Variants in LPIN3 observed in about 807,000 individuals in gnomAD.
LPIN3 encodes the protein lipin 3.
A neutral mutation model predicts 94.7 loss-of-function variants in LPIN3; 82 were observed. The observed-to-expected ratio is 0.87, with a 90% CI of 0.72 to 1.04. The LOEUF (loss-of-function observed/expected upper bound fraction) is 1.04. LPIN3 is among the 50% of genes least tolerant of loss of function. The pLI, the probability that LPIN3 is intolerant of heterozygous loss-of-function variation, is 0.00. For synonymous variants in LPIN3, 418 were observed against 443.3 expected (o/e 0.94, Z 0.72); for missense variants, 996 against 1,090.5 (o/e 0.91, Z 1.22).
Position 41,348,889 on chromosome 20 carries a change from T to A in LPIN3, c.557+2T>A. 2 of 1,601,320 alleles carry A rather than the reference T, an allele frequency of 1.2e-6. No individual in the cohort carries two copies. The highest frequency in any genetic ancestry group is 1.7e-6 in the Non-Finnish European group (2 of 1,173,540). On this transcript the variant is annotated splice_donor_variant, in intron 4 of 19. Transcript: ENST00000373257. LOFTEE classifies it high-confidence loss of function. ...AAAGCTGAGGCCAGAGCCCCCAGGG[T>A]GTGTAAGGACCAAGGGACTTGAACC...
intron 11 of LPIN3, among the ~76,000 whole-genome samples, chr20:41,354,051 A>G (rs1049408079): frequency 6.6e-6 from 1 of 152,196 alleles, no homozygotes; most frequent in Non-Finnish European, 1.5e-5. Context: ...GGTCTGTAGG[A>G]TGCTGGTGTG....
chr20:41,358,735 G>GGTGAA lies in LPIN3; in HGVS notation c.2429_2433dup (p.Val812LysfsTer59), dbSNP rs749068644. On this transcript the variant is annotated frameshift_variant, in exon 20 of 20. Coordinates refer to ENST00000373257, the MANE Select transcript of LPIN3 (RefSeq NM_022896.3). LOFTEE classifies it low-confidence loss of function (END_TRUNC). ...TTCTGCCTGTAGGTATGAGCGGCTT[G>GGTGAA]GTGAAGTGGTCGAGCTCCTCTTCCC... 3.7e-6 allele frequency: 6 copies of GGTGAA among 1,613,950 alleles called. No individual in the cohort carries two copies. Among genetic ancestry groups the GGTGAA allele is most frequent in the Non-Finnish European group, 5.1e-6 (6 of 1,180,002 alleles).
intron 15 of LPIN3, 58 bp from the exon 16 acceptor site, chr20:41,357,303 G>A: frequency 6.2e-7 from 1 of 1,602,752 alleles, no homozygotes; most frequent in Non-Finnish European, 8.5e-7. Flanking sequence ...GGCCATCCTG[G>A]GGCTGGAGCT....
intron 16 of LPIN3, 110 bp from the exon 17 acceptor site, chr20:41,357,772 G>A: frequency 7.0e-7 from 1 of 1,426,280 alleles, no homozygotes. Context: ...TCCCTGCAAA[G>A]GTTGGAACAT....
In LPIN3 at chr20:41,358,304, C is replaced by G. The variant is rs776388793; in HGVS notation, c.2260C>G (p.Leu754Val). 6.2e-6 allele frequency: 10 copies of G among 1,614,066 alleles called. No individual in the cohort carries two copies. The highest frequency in any genetic ancestry group is 8.5e-6 in the Non-Finnish European group (10 of 1,180,048). ...CCTGAGTGACATCCAGCAGCTGTTT[C>G]TGCCCCACGGACAGCCCTTCTATGC... ...ACLSDIQQLF[L>V]PHGQPFYAAF... Residue 754 changes from leucine (L) to valine (V), a missense_variant, in exon 18 of 20, where the codon CTG (leucine) becomes GTG (valine). Leu to Val is a conservative substitution (Grantham distance 32). Coordinates refer to ENST00000373257, the MANE Select transcript of LPIN3 (RefSeq NM_022896.3).
intron 4 of LPIN3, 37 bp from the exon 5 acceptor site, chr20:41,349,055 C>T (rs2045900044): frequency 8.7e-6 from 14 of 1,611,872 alleles, no homozygotes; most frequent in Non-Finnish European, 1.2e-5. Context: ...GGGCATCCTG[C>T]CTGATCAGTG....
intron 4 of LPIN3, 45 bp downstream of exon 4, chr20:41,348,932 G>T: frequency 1.9e-6 from 3 of 1,591,934 alleles, no homozygotes; most frequent in Non-Finnish European, 1.7e-6. Context: ...GGGGGTTCAA[G>T]TGCTGTTTCC....
In LPIN3 at chr20:41,345,695, A is replaced by G. The variant is rs557340440; in HGVS notation, c.-8-101A>G. ...CTGTGCAAAGGCACTCCAAGGCGTG[A>G]CACAAATGTAAACTTGGGGGTCTGT... On this transcript the variant is annotated intron_variant, in intron 1 of 19. Transcript: ENST00000373257. The G allele has an allele frequency of 3.2e-4, 403 of 1,272,114 alleles. 1 individual carries two copies. Among genetic ancestry groups the G allele is most frequent in the Non-Finnish European group, 3.8e-4 (346 of 917,240 alleles). 78.8% of individuals were successfully genotyped at this position (1,272,114 alleles called of 1,614,324 possible).
At position 41,357,897 on chromosome 20, in the gene LPIN3, C is replaced by A; in HGVS notation, c.2055C>A (p.Phe685Leu). 9 of 1,614,128 alleles carry A rather than the reference C, an allele frequency of 5.6e-6. No individual in the cohort carries two copies. The highest frequency in any genetic ancestry group is 7.6e-6 in the Non-Finnish European group (9 of 1,180,014). The stretch of plus-strand genomic sequence containing the variant: ...CCACTCTCAGAAATGGGTACAAGTT[C>A]CTGTACTGCTCGGCGCGGGCCATTG... ...YHKIQLNGYK[F>L]LYCSARAIGM... Residue 685 changes from phenylalanine to leucine, a missense_variant, in exon 17 of 20, where the codon TTC becomes TTA. Physicochemically the swap from Phe to Leu is conservative, Grantham distance 22. Transcript: ENST00000373257.
chr20:41,359,099 T>C lies in LPIN3; in HGVS notation c.*233T>C, dbSNP rs1213868468. On this transcript the variant is annotated 3_prime_UTR_variant, in exon 20 of 20. Transcript: ENST00000373257. ...TGGCACTGTCCTGGGGCAATTAGCT[T>C]GTCATCTGGGCCCTTGCAGGGTTCT... 2.5e-6 allele frequency: 1 copy of C among 405,304 alleles called. No homozygotes were observed. Among genetic ancestry groups the C allele is most frequent in the Non-Finnish European group, 4.3e-6 (1 of 231,348 alleles). 25.1% of individuals were successfully genotyped at this position (405,304 alleles called of 1,614,324 possible).
chr20:41,357,801 C>T, intron 16 of LPIN3, 81 bp from the exon 17 acceptor site: 1 of 1,567,370 alleles, frequency 6.4e-7, no homozygotes, highest in South Asian at 1.2e-5. Context: ...CACAGTTGGG[C>T]TGGGCAGGCT....
chr20:41,344,876 G>A (rs780181365), intron 1 of LPIN3, among the ~76,000 whole-genome samples: 2 of 152,190 alleles, frequency 1.3e-5, no homozygotes, highest in African/African-American at 4.8e-5. Flanking sequence ...CCTGGACACC[G>A]CTGGGGTCAG....
intron 1 of LPIN3, among the ~76,000 whole-genome samples, chr20:41,342,346 C>T (rs2045613361): frequency 6.6e-6 from 1 of 152,062 alleles, no homozygotes; most frequent in South Asian, 2.1e-4. Context: ...AAAGTCTTAA[C>T]CTAGGACAGC....
In LPIN3 at chr20:41,352,680, G is replaced by C. The variant is rs943508997; in HGVS notation, c.1438G>C (p.Val480Leu). ...CGGACTTTTGGATGACCCAAACCTA[G>C]TGGTGAAAATCAATGGAAAGTAAGT... The part of the protein sequence containing the change: ...NPGLLDDPNL[V>L]VKINGKHYNW... The change falls in exon 10 of 20, where the codon GTG (valine) becomes CTG (leucine). Residue 480 changes from valine (V) to leucine (L), a missense_variant. Val to Leu is a conservative substitution (Grantham distance 32). Transcript: ENST00000373257. 3.7e-6 allele frequency: 6 copies of C among 1,614,084 alleles called. No individual in the cohort carries two copies. The African/African-American group carries it at 5.3e-5, about 14-fold the overall frequency.
intron 9 of LPIN3, 100 bp from the exon 10 acceptor site, chr20:41,352,506 C>G (rs565567086): frequency 9.1e-7 from 1 of 1,096,856 alleles, no homozygotes; most frequent in Admixed American, 1.9e-5. Flanking sequence ...CAAAGCCAAC[C>G]GACAGGAGGT....
At chr20:41,350,555 G>C (rs1306957756) in intron 7 of LPIN3, among the ~76,000 whole-genome samples, 158 bp downstream of exon 7, 1 of 152,196 alleles carries the variant, frequency 6.6e-6, no homozygotes, top group East Asian at 1.9e-4. Flanking sequence ...GGAGACAGAT[G>C]CTGCATGTGT....
rs1475991522 is a variant in LPIN3 at position 41,358,421 on chromosome 20, C to T, written c.2308-18C>T. On this transcript the variant is annotated intron_variant, in intron 18 of 19. Transcript: ENST00000373257. ...GCCTGCAGGCCTCCATTCCATGGGCCCCTCCTGTCTCCCACAGGATGTCTT... is the reference window on the plus strand; with the variant it reads ...GCCTGCAGGCCTCCATTCCATGGGCTCCTCCTGTCTCCCACAGGATGTCTT... 6.2e-7 allele frequency: 1 copy of T among 1,613,218 alleles called. No homozygotes were observed. Among genetic ancestry groups the T allele is most frequent in the Non-Finnish European group, 8.5e-7 (1 of 1,179,202 alleles).
At chr20:41,341,322 C>A (rs2045570922) in intron 1 of LPIN3, among the ~76,000 whole-genome samples, 2 of 152,228 alleles carry the variant, frequency 1.3e-5, no homozygotes, top group South Asian at 4.1e-4. Flanking sequence ...ACCCAGTGTC[C>A]TCAGTTGCAA....
At chr20:41,348,248 C>T (rs189738385) in intron 3 of LPIN3, among the ~76,000 whole-genome samples, 11 of 152,274 alleles carry the variant, frequency 7.2e-5, no homozygotes, top group Admixed American at 1.3e-4. Flanking sequence ...GATGATGAGC[C>T]GTTTGGTCAT....
Sources: allele counts gnomAD v4.1 joint callset (sites outside exome capture counted in the v4.1 genomes callset), GRCh38; gene constraint gnomAD v4.1.1; transcripts MANE v1.5; gene names NCBI Gene and HGNC (gene_info 2026-07-23, HGNC 2026-07-21).